LTBP2: variants seen among roughly 807,000 people sequenced by gnomAD.
LTBP2 encodes the protein latent transforming growth factor beta binding protein 2.
A neutral mutation model predicts 210.6 loss-of-function variants in LTBP2; 103 were observed. The observed-to-expected ratio is 0.49, with a 90% confidence interval of 0.42 to 0.58. The LOEUF is 0.58. LTBP2 is among the 20% of genes least tolerant of loss of function. The pLI is 0.00. For synonymous variants in LTBP2, 1,007 were observed against 1,015.0 expected, an observed-to-expected ratio of 0.99 and a Z score of 0.15; for missense variants, 2,313 against 2,494.5, an observed-to-expected ratio of 0.93 and a Z score of 1.55.
At chr14:74,590,497 C>A (rs527319961) in intron 2 of LTBP2, among the ~76,000 whole-genome samples, 1 of 152,042 alleles carries the variant, frequency 6.6e-6, no homozygotes, top group East Asian at 1.9e-4. Flanking sequence ...CCCAGCTACT[C>A]GGGAGGCTGA....
At chr14:74,594,901 G>A (rs1045090690) in intron 2 of LTBP2, among the ~76,000 whole-genome samples, 2 of 152,156 alleles carry the variant, frequency 1.3e-5, no homozygotes, top group Admixed American at 6.5e-5. Flanking sequence ...GAGGACCCGA[G>A]CCCCCAGGCT....
chr14:74,530,135 A>G (rs529414816), intron 10 of LTBP2, among the ~76,000 whole-genome samples: 67 of 152,006 alleles, frequency 4.4e-4, no homozygotes, highest in African/African-American at 1.6e-3. Flanking sequence ...TCGTATCATC[A>G]CTCTGGTTCT....
intron 1 of LTBP2, among the ~76,000 whole-genome samples, chr14:74,604,978 C>T (rs930593317): frequency 4.6e-5 from 7 of 152,186 alleles, no homozygotes; most frequent in African/African-American, 1.7e-4. Flanking sequence ...GGGCGTCTCC[C>T]TAGAAGGGCT....
chr14:74,555,673 T>G lies in LTBP2; in HGVS notation c.851A>C (p.Gln284Pro). 1.3e-6 allele frequency: 2 copies of G among 1,556,760 alleles called. No homozygotes were observed. Among genetic ancestry groups the G allele is most frequent in the Non-Finnish European group, 1.7e-6 (2 of 1,147,184 alleles). ...PPAGTLSGLS[Q>P]THPSQQHVGL... ...CACGTGCTGCTGGGAAGGGTGGGTC[T>G]GGCTGAGGCCACTCAGGGTCCTGTG... The change falls in exon 4 of 36, where the codon CAG becomes CCG. Residue 284 changes from glutamine (Q) to proline (P), a missense_variant. By Grantham distance (76) the Gln-to-Pro change is moderately conservative. Coordinates refer to ENST00000261978, the MANE Select transcript of LTBP2 (RefSeq NM_000428.3).
intron 12 of LTBP2, among the ~76,000 whole-genome samples, chr14:74,527,830 G>A (rs930695274): frequency 2.6e-5 from 4 of 152,150 alleles, no homozygotes; most frequent in African/African-American, 7.2e-5. Flanking sequence ...TGGCTTGGCC[G>A]GTGTCCTGTG....
rs1425023834 is a variant in LTBP2 at position 74,511,334 on chromosome 14, C to T, written c.2939G>A (p.Cys980Tyr). The change falls in exon 19 of 36, where the codon TGC (cysteine) becomes TAC (tyrosine). Residue 980 changes from cysteine to tyrosine, a missense_variant. Around this residue, in one of 3 missense-constraint regions of LTBP2, gnomAD observed 1,867 missense variants for 1,976.9 expected, o/e 0.94. Coordinates refer to ENST00000261978, the MANE Select transcript of LTBP2 (RefSeq NM_000428.3). Reference sequence around the variant, plus strand: ...GGAATTGACGCATCTCCCATCAGGGCAGGTACCGGGGTGACGGCATTCGTT... The same window carrying T: ...GGAATTGACGCATCTCCCATCAGGGTAGGTACCGGGGTGACGGCATTCGTT... ...DINECRHPGTCPDGRCVNSPG... is the reference protein window; with the variant it reads ...DINECRHPGTYPDGRCVNSPG... 1.2e-6 allele frequency: 2 copies of T among 1,614,030 alleles called. No homozygotes were observed. The highest frequency in any genetic ancestry group is 1.7e-6 in the Non-Finnish European group (2 of 1,180,036).
chr14:74,527,831 G>T (rs1049212857), intron 12 of LTBP2, among the ~76,000 whole-genome samples: 12 of 152,214 alleles, frequency 7.9e-5, no homozygotes, highest in Admixed American at 2.0e-4. Context: ...GGCTTGGCCG[G>T]TGTCCTGTGT....
intron 3 of LTBP2, among the ~76,000 whole-genome samples, chr14:74,568,698 C>G (rs1265374749): frequency 6.6e-6 from 1 of 152,094 alleles, no homozygotes; most frequent in African/African-American, 2.4e-5. Flanking sequence ...CCAGATGAGG[C>G]ATAAAGAAGC....
chr14:74,509,455 C>T, intron 21 of LTBP2, 92 bp from the exon 22 acceptor site: 1 of 1,577,638 alleles, frequency 6.3e-7, no homozygotes, highest in South Asian at 1.1e-5. Context: ...TCTCTGAGCC[C>T]CTGGGGCTTT....
At chr14:74,610,116 A>G (rs2088584345) in intron 1 of LTBP2, among the ~76,000 whole-genome samples, 1 of 152,260 alleles carries the variant, frequency 6.6e-6, no homozygotes, top group African/African-American at 2.4e-5. Context: ...TTCTAGGCAC[A>G]AGAGACACAG....
chr14:74,527,642 G>A (rs1294769299), intron 12 of LTBP2, among the ~76,000 whole-genome samples: 2 of 152,188 alleles, frequency 1.3e-5, no homozygotes, highest in Non-Finnish European at 2.9e-5. Context: ...TTCCTGTAAG[G>A]CCTCGGGTGA....
At chr14:74,519,114 A>G (rs559455431) in intron 17 of LTBP2, among the ~76,000 whole-genome samples, 19 of 152,368 alleles carry the variant, frequency 1.2e-4, no homozygotes, top group African/African-American at 4.6e-4. Flanking sequence ...CAATTAAGGT[A>G]TAGGAGAATA....
chr14:74,499,900 A>C lies in LTBP2; in HGVS notation c.*984T>G, dbSNP rs1223482978. On this transcript the variant is annotated 3_prime_UTR_variant, in exon 36 of 36. Coordinates refer to ENST00000261978, the MANE Select transcript of LTBP2 (RefSeq NM_000428.3). ...CAGGGGTTTCTGAGTGGAGGGGAAAAACAACATTGGAAATCTGGCTGCTTC... is the reference window on the plus strand; with the variant it reads ...CAGGGGTTTCTGAGTGGAGGGGAAACACAACATTGGAAATCTGGCTGCTTC... 4.3e-6 allele frequency: 1 copy of C among 231,002 alleles called. No individual in the cohort carries two copies. The highest frequency in any genetic ancestry group is 2.2e-5 in the African/African-American group (1 of 45,188). The allele number at this position is 231,002 out of a possible 1,614,324, so 14.3% of individuals were successfully genotyped here. A position where few individuals can be genotyped will look rare whatever the true frequency, so the allele number is the denominator to read the frequency against.
intron 3 of LTBP2, among the ~76,000 whole-genome samples, chr14:74,558,637 G>A (rs1319125545): frequency 6.6e-6 from 1 of 152,000 alleles, no homozygotes; most frequent in Non-Finnish European, 1.5e-5. Context: ...TCTCCAGTCT[G>A]GTCAGGATGG....
chr14:74,604,164 C>CAA (rs59313477), intron 1 of LTBP2, among the ~76,000 whole-genome samples: 16 of 72,722 alleles, frequency 2.2e-4, no homozygotes, highest in African/African-American at 5.2e-4. Flanking sequence ...TGCCTCTCAC[C>CAA]AAAAAAAAAA....
At chr14:74,509,140 C>G in intron 22 of LTBP2, 98 bp downstream of exon 22, 1 of 1,591,610 alleles carries the variant, frequency 6.3e-7, no homozygotes, top group Non-Finnish European at 8.6e-7. Context: ...ATGATGGCAG[C>G]TCCTCCAGCC....
chr14:74,550,142 A>C (rs1595269215), intron 7 of LTBP2, among the ~76,000 whole-genome samples, 177 bp from the exon 8 acceptor site: 1 of 152,154 alleles, frequency 6.6e-6, no homozygotes, highest in South Asian at 2.1e-4. Flanking sequence ...AAGCAGAGAA[A>C]CCTGCCATGC....
intron 3 of LTBP2, among the ~76,000 whole-genome samples, chr14:74,560,211 C>T (rs1217837431): frequency 2.6e-5 from 4 of 152,038 alleles, no homozygotes; most frequent in South Asian, 2.1e-4. Context: ...CATAATTTCA[C>T]GAAAGAAAAG....
intron 2 of LTBP2, among the ~76,000 whole-genome samples, chr14:74,588,000 T>C: frequency 6.6e-6 from 1 of 152,128 alleles, no homozygotes; most frequent in Admixed American, 6.5e-5. Context: ...CTCTGCTCTG[T>C]CTTCTCTCTG....
Sources: gnomAD v4.1 joint callset for allele counts (sites outside exome capture counted in the v4.1 genomes callset) on GRCh38, gnomAD v4.1.1 for gene constraint, gnomAD v4.1.1 regional missense constraint, MANE v1.5 for transcripts, NCBI Gene and HGNC (gene_info 2026-07-23, HGNC 2026-07-21) for gene names.